Variants in PMFBP1 observed in about 807,000 individuals in gnomAD.
PMFBP1 encodes polyamine modulated factor 1 binding protein 1, also known as polyamine-modulated factor 1-binding protein 1.
In PMFBP1, 131 loss-of-function variants were observed where a neutral mutation model predicts 137.8. The observed-to-expected ratio is 0.95, with a 90% CI of 0.82 to 1.10. The LOEUF (loss-of-function observed/expected upper bound fraction) is 1.10. Among genes scored for constraint, PMFBP1 ranks in the 50% least tolerant of loss-of-function variants. The probability of loss-of-function intolerance (pLI) is 0.00; values close to 1 mark genes in which losing one functional copy is unlikely to be tolerated. For synonymous variants in PMFBP1, 490 were observed against 450.4 expected (o/e 1.09, Z -1.11); for missense variants, 1,199 against 1,175.4 (o/e 1.02, Z -0.29).
intron 7 of PMFBP1, 135 bp from the exon 8 acceptor site, chr16:72,136,954 G>A: frequency 8.2e-7 from 1 of 1,225,840 alleles, no homozygotes; most frequent in Non-Finnish European, 1.1e-6. Context: ...GCCAGGGGAT[G>A]GGTGTGCGGA....
In PMFBP1 at chr16:72,128,735, C is replaced by G; in HGVS notation, c.2010G>C (p.Gln670His). 6.2e-7 allele frequency: 1 copy of G among 1,614,158 alleles called. No individual in the cohort carries two copies. Among genetic ancestry groups the G allele is most frequent in the Non-Finnish European group, 8.5e-7 (1 of 1,180,020 alleles). ...EENENLRAELQCCSTQLESSL... is the reference protein window; with the variant it reads ...EENENLRAELHCCSTQLESSL... ...AGGATTCCAGTTGTGTAGAACAACA[C>G]TGTAGCTCTGCTCGGAGATTCTCAT... Residue 670 changes from glutamine (Q) to histidine (H), a missense_variant, in exon 14 of 21, where the codon CAG becomes CAC. Transcript: ENST00000237353.
intron 5 of PMFBP1, among the ~76,000 whole-genome samples, chr16:72,145,816 C>T (rs544095769): frequency 3.3e-5 from 5 of 152,248 alleles, no homozygotes; most frequent in African/African-American, 1.2e-4. Context: ...TACACCCTCC[C>T]AAAACTAAAC....
chr16:72,184,673 C>T, the PMFBP1 span, among the ~76,000 whole-genome samples: 2 of 152,202 alleles, frequency 1.3e-5, no homozygotes, highest in African/African-American at 4.8e-5. Context: ...GGAATTTGTT[C>T]TTAACCACTA....
the PMFBP1 span, among the ~76,000 whole-genome samples, chr16:72,191,361 G>T: frequency 2.6e-5 from 4 of 152,204 alleles, no homozygotes; most frequent in African/African-American, 9.7e-5. Flanking sequence ...CTTCCAGAAA[G>T]GTCAGGCACA....
Position 72,132,799 on chromosome 16 carries a change from G to A in PMFBP1, c.1396C>T (p.Gln466Ter). 6.2e-7 allele frequency: 1 copy of A among 1,614,196 alleles called. No individual in the cohort carries two copies. The highest frequency in any genetic ancestry group is 8.5e-7 in the Non-Finnish European group (1 of 1,180,042). Residue 466 changes from glutamine (Q) to a stop codon, truncating the protein, a stop_gained, in exon 10 of 21, where the codon CAG becomes TAG. Transcript: ENST00000237353. LOFTEE classifies it high-confidence loss of function. ...TCTTCGAGACTGTTCTTCAGCTTCT[G>A]GACCTCAGCCTGCAGGGCCTTGCAC... The part of the protein sequence containing the change: ...AECKALQAEV[Q>*]KLKNSLEEAK...
At chr16:72,169,720 T>G (rs1051241203) in intron 2 of PMFBP1, among the ~76,000 whole-genome samples, 2 of 151,990 alleles carry the variant, frequency 1.3e-5, no homozygotes, top group African/African-American at 4.8e-5. Flanking sequence ...AAAAAAGATA[T>G]CTGAGAGATC....
chr16:72,228,299 G>T, the PMFBP1 span, among the ~76,000 whole-genome samples: 2 of 152,274 alleles, frequency 1.3e-5, no homozygotes, highest in East Asian at 3.9e-4. Flanking sequence ...TGAGTATCGT[G>T]TACGATACCT....
chr16:72,238,814 C>T, the PMFBP1 span, among the ~76,000 whole-genome samples: 1 of 152,138 alleles, frequency 6.6e-6, no homozygotes, highest in East Asian at 1.9e-4. Flanking sequence ...GGTGATCTTG[C>T]TCCCCATGGA....
the PMFBP1 span, among the ~76,000 whole-genome samples, chr16:72,211,883 G>T: frequency 6.6e-6 from 1 of 152,128 alleles, no homozygotes; most frequent in African/African-American, 2.4e-5. Flanking sequence ...TGTAGTCCCA[G>T]CTACTAGAGA....
chr16:72,131,837 AT>A (rs970196414), intron 10 of PMFBP1, among the ~76,000 whole-genome samples: 14 of 152,298 alleles, frequency 9.2e-5, no homozygotes, highest in African/African-American at 3.4e-4. Flanking sequence ...TATAACATAA[AT>A]TTAGCCCCTC....
At chr16:72,128,335 G>T in intron 14 of PMFBP1, 1 of 1,270,636 alleles carries the variant, frequency 7.9e-7, no homozygotes, top group Non-Finnish European at 1.0e-6. Context: ...AGTTTTGGAA[G>T]TGTTCCCTAG....
chr16:72,121,513 G>A (rs1433136399), intron 19 of PMFBP1, among the ~76,000 whole-genome samples: 1 of 152,214 alleles, frequency 6.6e-6, no homozygotes, highest in Non-Finnish European at 1.5e-5. Flanking sequence ...TCCACCTGGG[G>A]TGCCACGAAT....
rs1254850736 is a variant in PMFBP1, at chr16:72,125,982, G to C, written c.2239C>G (p.Gln747Glu). 1 of 1,614,134 alleles carries C rather than the reference G, an allele frequency of 6.2e-7. No individual in the cohort carries two copies. Among genetic ancestry groups the C allele is most frequent in the East Asian group, 2.2e-5 (1 of 44,882 alleles). ...KSAACQDDLT[Q>E]ALEKLNHVTS... Reference sequence around the variant, plus strand: ...TGTGGCCTCACCTTCTCGAGGGCTTGTGTCAGGTCATCCTGGCAGGCGGCT... The same window carrying C: ...TGTGGCCTCACCTTCTCGAGGGCTTCTGTCAGGTCATCCTGGCAGGCGGCT... Residue 747 changes from glutamine to glutamate, a missense_variant, in exon 15 of 21, where the codon CAA (glutamine) becomes GAA (glutamate). Physicochemically the swap from Gln to Glu is conservative, Grantham distance 29. Transcript: ENST00000237353.
At chr16:72,130,396 T>G in intron 11 of PMFBP1, 39 bp from the exon 12 acceptor site, 1 of 1,613,656 alleles carries the variant, frequency 6.2e-7, no homozygotes, top group Non-Finnish European at 8.5e-7. Context: ...CAGACTTCAG[T>G]GCCCATGTGG....
At chr16:72,149,302 T>C (rs2042862479) in intron 5 of PMFBP1, among the ~76,000 whole-genome samples, 1 of 152,218 alleles carries the variant, frequency 6.6e-6, no homozygotes, top group Non-Finnish European at 1.5e-5. Flanking sequence ...TTAATTATTA[T>C]TGGTAAAAGT....
chr16:72,233,098 G>A, the PMFBP1 span, among the ~76,000 whole-genome samples: 1 of 151,934 alleles, frequency 6.6e-6, no homozygotes, highest in Admixed American at 6.6e-5. Context: ...GTTGCTAAAG[G>A]GAAAACTAAG....
chr16:72,228,290 G>T, the PMFBP1 span, among the ~76,000 whole-genome samples: 2 of 152,168 alleles, frequency 1.3e-5, no homozygotes, highest in African/African-American at 4.8e-5. Flanking sequence ...GGAAGGTTCT[G>T]AGTATCGTGT....
chr16:72,129,071 T>C lies in PMFBP1; in HGVS notation c.1945A>G (p.Lys649Glu), dbSNP rs769074227. The C allele has an allele frequency of 1.1e-5, 17 of 1,613,636 alleles. No individual in the cohort carries two copies. The highest frequency in any genetic ancestry group is 1.1e-5 in the Non-Finnish European group (13 of 1,179,896). Residue 649 changes from lysine (K) to glutamate (E), a missense_variant, in exon 13 of 21, where the codon AAG becomes GAG. Transcript: ENST00000237353. ...ALRQEFKKKDKTLKENSRKLE... is the reference protein window; with the variant it reads ...ALRQEFKKKDETLKENSRKLE... ...CCTGGGATTCTCCCACTCACCGTCT[T>C]GTCTTTCTTTTTAAATTCCTGCCGC...
the PMFBP1 span, among the ~76,000 whole-genome samples, chr16:72,244,003 A>G: frequency 1.3e-5 from 2 of 152,196 alleles, no homozygotes; most frequent in Non-Finnish European, 2.9e-5. Context: ...TGTTTATAGA[A>G]TAGTGGTTCC....
Sources: allele counts gnomAD v4.1 joint callset (sites outside exome capture counted in the v4.1 genomes callset), GRCh38; gene constraint gnomAD v4.1.1; transcripts MANE v1.5; gene names NCBI Gene and HGNC (gene_info 2026-07-23, HGNC 2026-07-21).